CELF2: variants seen among roughly 807,000 people sequenced by gnomAD.
CELF2 encodes the protein CUGBP Elav-like family member 2.
Under a neutral mutation model 62.6 loss-of-function variants are expected in CELF2, and 8 were observed. That is an observed-to-expected ratio of 0.13 (90% CI 0.07 to 0.23). CELF2 has a LOEUF of 0.23. CELF2 is among the 10% of genes least tolerant of loss of function. The pLI is 1.00. For missense variants in CELF2, 333 were observed against 671.0 expected, an observed-to-expected ratio of 0.50 and a Z score of 5.56; for synonymous variants, 258 against 250.0, an observed-to-expected ratio of 1.03 and a Z score of -0.30.
chr10:11,234,579 G>T (rs1328345389), intron 3 of CELF2, among the ~76,000 whole-genome samples: 1 of 120,658 alleles, frequency 8.3e-6, no homozygotes, highest in African/African-American at 2.8e-5. Flanking sequence ...CTAATCGGGA[G>T]GTTGAGGCAG....
the CELF2 span, among the ~76,000 whole-genome samples, chr10:10,543,237 TAAACTTC>T: frequency 3.3e-5 from 5 of 152,054 alleles, no homozygotes; most frequent in Admixed American, 6.6e-5. Flanking sequence ...GCCCCCAGAG[TAAACTTC>T]AAAGACTGGC....
intron 1 of CELF2, among the ~76,000 whole-genome samples, chr10:11,155,021 G>A (rs780466748): frequency 3.3e-5 from 5 of 152,308 alleles, no homozygotes; most frequent in Non-Finnish European, 4.4e-5. Context: ...CATTTGATAC[G>A]CCACTGTGTG....
the CELF2 span, among the ~76,000 whole-genome samples, chr10:10,616,957 A>G: frequency 3.3e-5 from 5 of 151,864 alleles, no homozygotes; most frequent in African/African-American, 1.2e-4. Flanking sequence ...TAGTCTCGCT[A>G]TGTTGCCTAG....
intron 2 of CELF2, among the ~76,000 whole-genome samples, chr10:11,199,462 G>T (rs1232015350): frequency 6.6e-6 from 1 of 152,168 alleles, no homozygotes; most frequent in Non-Finnish European, 1.5e-5. Context: ...GAGCAGAGAA[G>T]GCCCGCAGGT....
At chr10:11,174,218 C>G (rs930753824) in intron 2 of CELF2, among the ~76,000 whole-genome samples, 1 of 152,152 alleles carries the variant, frequency 6.6e-6, no homozygotes, top group Admixed American at 6.5e-5. Flanking sequence ...GTGGATTATG[C>G]TGTACAGGAA....
At chr10:10,765,093 T>TG in the CELF2 span, among the ~76,000 whole-genome samples, 1 of 152,124 alleles carries the variant, frequency 6.6e-6, no homozygotes, top group African/African-American at 2.4e-5. Context: ...CTTGATCTTG[T>TG]GGGGGCTGAT....
At chr10:10,939,082 G>A (rs980423426) in intron 2 of CELF2, among the ~76,000 whole-genome samples, 1 of 150,672 alleles carries the variant, frequency 6.6e-6, no homozygotes, top group African/African-American at 2.5e-5. Flanking sequence ...CACCTTATCA[G>A]TGTGGCCGCT....
At chr10:10,777,776 C>G in the CELF2 span, among the ~76,000 whole-genome samples, 4 of 152,184 alleles carry the variant, frequency 2.6e-5, no homozygotes, top group African/African-American at 7.2e-5. Context: ...CCAAACCTGA[C>G]TCCATAGCTC....
At chr10:10,792,380 C>G in the CELF2 span, 1 of 398,258 alleles carries the variant, frequency 2.5e-6, no homozygotes, top group African/African-American at 2.1e-5. Context: ...ACCTTTTTCT[C>G]GTTGTAATTC....
the CELF2 span, among the ~76,000 whole-genome samples, chr10:10,618,161 T>C: frequency 8.3e-4 from 127 of 152,168 alleles, 2 homozygotes; most frequent in East Asian, 0.022. Context: ...CAATCCAGTA[T>C]CTGGAACCAA....
chr10:11,058,535 C>T (rs1255510439), intron 1 of CELF2, among the ~76,000 whole-genome samples: 7 of 135,138 alleles, frequency 5.2e-5, no homozygotes, highest in African/African-American at 1.4e-4. Context: ...GGTGCGATCT[C>T]GACTCGCTGC....
At chr10:10,531,965 C>T in the CELF2 span, among the ~76,000 whole-genome samples, 58 of 152,240 alleles carry the variant, frequency 3.8e-4, no homozygotes, top group Admixed American at 2.5e-3. Context: ...CTCTACCTTA[C>T]GAGAAAAACA....
Position 11,072,666 on chromosome 10 carries a change from C to T in CELF2, c.74+54503C>T, listed in dbSNP as rs147961915. ...TTTAAAGCAAAGGATATAGAGGCAGCCCCAACCATAGGAGCACAAGAGTAT... is the reference window on the plus strand; with the variant it reads ...TTTAAAGCAAAGGATATAGAGGCAGTCCCAACCATAGGAGCACAAGAGTAT... On this transcript the variant is annotated intron_variant, in intron 1 of 12. Transcript: ENST00000633077. Among the ~76,000 whole-genome samples, 1,516 of 152,280 alleles carry T rather than the reference C, an allele frequency of 1.0e-2. 27 individuals carry two copies. The highest frequency in any genetic ancestry group is 0.034 in the African/African-American group (1,408 of 41,568).
rs2057543835 is a variant in CELF2, at chr10:11,018,002, C to A, written c.-88C>A. 6 of 1,025,326 alleles carry A rather than the reference C, an allele frequency of 5.9e-6. No individual in the cohort carries two copies. The highest frequency in any genetic ancestry group is 7.0e-6 in the Non-Finnish European group (6 of 859,338). The allele number at this position is 1,025,326 out of a possible 1,614,324, so 63.5% of individuals were successfully genotyped here. On this transcript the variant is annotated 5_prime_UTR_variant, in exon 1 of 13. Transcript: ENST00000633077. The stretch of plus-strand genomic sequence containing the variant: ...CGGCCGCCGGGGGAGGCCGCGCGCA[C>A]CTGTCCCTGCCCGTCTCGCGCCGCC...
chr10:11,059,032 C>G (rs1421479564), intron 1 of CELF2, among the ~76,000 whole-genome samples: 1 of 152,198 alleles, frequency 6.6e-6, no homozygotes, highest in Non-Finnish European at 1.5e-5. Context: ...ATGCTTCTTC[C>G]TTGGCCGCAC....
At chr10:10,604,593 G>GC in the CELF2 span, among the ~76,000 whole-genome samples, 1 of 152,114 alleles carries the variant, frequency 6.6e-6, no homozygotes, top group East Asian at 1.9e-4. Flanking sequence ...TTACTTAGCT[G>GC]TTTTTCCTAC....
At chr10:11,198,058 A>G (rs532577320) in intron 2 of CELF2, among the ~76,000 whole-genome samples, 159 of 152,356 alleles carry the variant, frequency 1.0e-3, no homozygotes, top group Non-Finnish European at 1.7e-3. Flanking sequence ...AATTGGAATC[A>G]GCTGATTTGT....
intron 1 of CELF2, among the ~76,000 whole-genome samples, chr10:11,105,016 C>T (rs565095219): frequency 9.2e-5 from 14 of 152,290 alleles, no homozygotes; most frequent in African/African-American, 2.4e-4. Flanking sequence ...GGTTCAGCTG[C>T]GATGTAGTTT....
At chr10:11,015,311 T>C (rs1025905010), upstream of CELF2, among the ~76,000 whole-genome samples, 2 of 152,244 alleles carry the variant, frequency 1.3e-5, no homozygotes, top group African/African-American at 4.8e-5. This position sits in a 1 kb window ranked among gnomAD's most constrained non-coding sequence, Gnocchi z 4.8. Context: ...TTTTGAAATT[T>C]GTATTTTTAC....
Sources: gnomAD v4.1 joint callset for allele counts (sites outside exome capture counted in the v4.1 genomes callset) on GRCh38, gnomAD v4.1.1 for gene constraint, Gnocchi (gnomAD v3.1) non-coding constraint, MANE v1.5 for transcripts, NCBI Gene and HGNC (gene_info 2026-07-23, HGNC 2026-07-21) for gene names.